The following NFIB variants were observed in gnomAD, a reference collection of about 807,000 sequenced individuals.
NFIB encodes nuclear factor I B.
In NFIB, 11 loss-of-function variants were observed where a neutral mutation model predicts 61.5. The ratio of observed to expected loss-of-function variants is 0.18; its 90% confidence interval spans 0.11 to 0.30. The LOEUF (loss-of-function observed/expected upper bound fraction) is 0.30, where lower values mean the gene tolerates loss of function less well. Ranked by LOEUF, NFIB falls within the 10% of genes least tolerant of loss-of-function variation. The probability of loss-of-function intolerance (pLI) is 1.00; values close to 1 mark genes in which losing one functional copy is unlikely to be tolerated. For missense variants in NFIB, 471 were observed against 608.9 expected (o/e 0.77, Z 2.38); for synonymous variants, 260 against 216.5 (o/e 1.20, Z -1.76).
the NFIB span, among the ~76,000 whole-genome samples, chr9:14,496,555 G>C: frequency 2.0e-5 from 3 of 152,176 alleles, no homozygotes; most frequent in African/African-American, 7.2e-5. Context: ...TTCAGCATCT[G>C]TGAGCTCCTG....
At chr9:14,431,139 T>C in the NFIB span, among the ~76,000 whole-genome samples, 1 of 152,358 alleles carries the variant, frequency 6.6e-6, no homozygotes, top group East Asian at 1.9e-4. Flanking sequence ...CTCAATGTTG[T>C]GTTGGTTTTA....
the NFIB span, among the ~76,000 whole-genome samples, chr9:14,499,908 A>T: frequency 6.6e-6 from 1 of 152,176 alleles, no homozygotes; most frequent in African/African-American, 2.4e-5. Flanking sequence ...AAAGAGCACA[A>T]TTGCATTTTA....
intron 2 of NFIB, among the ~76,000 whole-genome samples, chr9:14,286,132 A>G (rs2058694474): frequency 6.6e-6 from 1 of 152,166 alleles, no homozygotes; most frequent in Admixed American, 6.5e-5. Flanking sequence ...GAGGAATTGG[A>G]GAAATTATTG....
intron 2 of NFIB, among the ~76,000 whole-genome samples, chr9:14,248,216 C>T (rs933771334): frequency 2.0e-5 from 3 of 151,296 alleles, no homozygotes; most frequent in Admixed American, 2.0e-4. Context: ...TCCTTCTTTC[C>T]TCCCTTCCTT....
chr9:14,277,335 G>A (rs1016604526), intron 2 of NFIB, among the ~76,000 whole-genome samples: 1 of 85,208 alleles, frequency 1.2e-5, no homozygotes, highest in Admixed American at 1.6e-4. Flanking sequence ...ACACGTGCAC[G>A]CACACACAGA....
rs1253170447 is a variant in NFIB at position 14,222,806 on chromosome 9, A to AAAAAAAAG, written c.563-43027_563-43026insCTTTTTTT. On this transcript the variant is annotated intron_variant, in intron 2 of 10. Transcript: ENST00000380953. ...GTAAGATCCTGTCTCAAAAAAAAAA[A>AAAAAAAAG]AAAGAAAGAAAGAAAAGAAAAAGAA... 3.5e-3 allele frequency among the ~76,000 whole-genome samples: 524 copies of AAAAAAAAG among 150,560 alleles called. 16 individuals are homozygous for AAAAAAAAG. The highest frequency in any genetic ancestry group is 0.023 in the East Asian group (118 of 5,094).
At chr9:14,530,413 GGAGAGAGA>G in the NFIB span, among the ~76,000 whole-genome samples, 1 of 149,538 alleles carries the variant, frequency 6.7e-6, no homozygotes, top group Admixed American at 6.7e-5. Flanking sequence ...AAAGAGAGAG[GGAGAGAGA>G]GAGAGAGAGA....
At chr9:14,242,237 TC>T (rs1157452510) in intron 2 of NFIB, among the ~76,000 whole-genome samples, 1 of 152,224 alleles carries the variant, frequency 6.6e-6, no homozygotes, top group Non-Finnish European at 1.5e-5. Flanking sequence ...ATGTGTTTTT[TC>T]CCACATATGG....
chr9:14,248,125 G>C (rs2055147900), intron 2 of NFIB, among the ~76,000 whole-genome samples: 1 of 150,554 alleles, frequency 6.6e-6, no homozygotes, highest in African/African-American at 2.4e-5. Flanking sequence ...GTAGAGATGG[G>C]GTCTCCCTAT....
the NFIB span, among the ~76,000 whole-genome samples, chr9:14,432,043 C>T: frequency 6.6e-6 from 1 of 152,192 alleles, no homozygotes; most frequent in Non-Finnish European, 1.5e-5. Context: ...TAGCAATGCT[C>T]TTACTGTGAG....
At chr9:14,102,461 G>T in intron 10 of NFIB, 1 of 1,550,264 alleles carries the variant, frequency 6.5e-7, no homozygotes, top group East Asian at 2.4e-5. Flanking sequence ...ACTGGTACTG[G>T]GGTATAAATG....
At chr9:14,361,126 G>C (rs1011183298) in intron 1 of NFIB, among the ~76,000 whole-genome samples, 1 of 151,832 alleles carries the variant, frequency 6.6e-6, no homozygotes, top group South Asian at 2.1e-4. Context: ...AAATACCTTT[G>C]TTTTTTGATG....
chr9:14,205,891 T>C (rs1305972608), intron 2 of NFIB, among the ~76,000 whole-genome samples: 1 of 151,994 alleles, frequency 6.6e-6, no homozygotes, highest in Non-Finnish European at 1.5e-5. Flanking sequence ...TTTAATCGTA[T>C]ATTTTGAATA....
At chr9:14,507,481 C>G in the NFIB span, among the ~76,000 whole-genome samples, 1 of 152,078 alleles carries the variant, frequency 6.6e-6, no homozygotes, top group Non-Finnish European at 1.5e-5. Flanking sequence ...TAACATTTTT[C>G]TTTGTTCAAG....
intron 2 of NFIB, among the ~76,000 whole-genome samples, chr9:14,207,347 T>G (rs1401372588): frequency 6.6e-6 from 1 of 152,232 alleles, no homozygotes; most frequent in African/African-American, 2.4e-5. Context: ...AGTCAATTTT[T>G]TCTAATTTTT....
At chr9:14,506,661 T>A in the NFIB span, among the ~76,000 whole-genome samples, 1 of 152,202 alleles carries the variant, frequency 6.6e-6, no homozygotes, top group Non-Finnish European at 1.5e-5. Flanking sequence ...CTAAATAGCC[T>A]CACCTTTCCT....
At chr9:14,398,107 G>T (rs1035887843) in intron 1 of NFIB, among the ~76,000 whole-genome samples, 10 of 151,932 alleles carry the variant, frequency 6.6e-5, no homozygotes, top group South Asian at 6.2e-4. Context: ...TTTTTTAAGG[G>T]CTTAGAGTGG....
the NFIB span, among the ~76,000 whole-genome samples, chr9:14,466,719 A>T: frequency 6.6e-6 from 1 of 151,800 alleles, no homozygotes; most frequent in Non-Finnish European, 1.5e-5. Context: ...CTCCCTCTCT[A>T]TTCTTCTTTA....
chr9:14,500,752 T>C, the NFIB span, among the ~76,000 whole-genome samples: 5 of 152,258 alleles, frequency 3.3e-5, no homozygotes, highest in South Asian at 1.0e-3. Context: ...CTCTTCTTAG[T>C]GGGAGGAGAA....
Sources: allele counts gnomAD v4.1 joint callset (sites outside exome capture counted in the v4.1 genomes callset), GRCh38; gene constraint gnomAD v4.1.1; transcripts MANE v1.5; gene names NCBI Gene and HGNC (gene_info 2026-07-23, HGNC 2026-07-21).